Variants in SLC4A4 observed in about 807,000 individuals in gnomAD.
SLC4A4 encodes electrogenic sodium bicarbonate cotransporter 1.
A neutral mutation model predicts 111.5 loss-of-function variants in SLC4A4; 27 were observed. The observed-to-expected ratio is 0.24, with a 90% CI of 0.18 to 0.33. The LOEUF (loss-of-function observed/expected upper bound fraction) is 0.33, where lower values mean the gene tolerates loss of function less well. Among genes scored for constraint, SLC4A4 ranks in the 10% least tolerant of loss-of-function variants. The probability of loss-of-function intolerance (pLI) is 1.00; values close to 1 mark genes in which losing one functional copy is unlikely to be tolerated. For synonymous variants in SLC4A4, 443 were observed against 463.4 expected (o/e 0.96, Z 0.57); for missense variants, 909 against 1,315.5 (o/e 0.69, Z 4.78).
intron 1 of SLC4A4, among the ~76,000 whole-genome samples, chr4:71,208,430 CA>C (rs34995813): frequency 4.1e-4 from 45 of 110,292 alleles, no homozygotes; most frequent in African/African-American, 8.0e-4. Flanking sequence ...GACTCCGTCT[CA>C]AAAAAAAAAA....
At chr4:71,494,371 C>T (rs1278875441) in intron 15 of SLC4A4, among the ~76,000 whole-genome samples, 4 of 151,834 alleles carry the variant, frequency 2.6e-5, no homozygotes, top group African/African-American at 4.8e-5. Context: ...TGGCATATAG[C>T]GGCACAATCA....
chr4:71,476,702 CT>C (rs1474879178), intron 14 of SLC4A4, among the ~76,000 whole-genome samples: 3 of 151,622 alleles, frequency 2.0e-5, no homozygotes, highest in African/African-American at 7.3e-5. Flanking sequence ...TCTAAATGCA[CT>C]TTTTTCTCCA....
chr4:71,523,609 T>G (rs1214615008), intron 16 of SLC4A4, among the ~76,000 whole-genome samples: 1 of 152,150 alleles, frequency 6.6e-6, no homozygotes, highest in Non-Finnish European at 1.5e-5. Flanking sequence ...GGAAACCTCT[T>G]GGTCCTGAGC....
At chr4:71,200,902 G>A (rs926371946) in intron 1 of SLC4A4, among the ~76,000 whole-genome samples, 3 of 152,142 alleles carry the variant, frequency 2.0e-5, no homozygotes, top group Non-Finnish European at 2.9e-5. Context: ...TAATCATGTG[G>A]CAAGTTTCAG....
At chr4:71,481,264 A>G (rs1728855205) in intron 14 of SLC4A4, among the ~76,000 whole-genome samples, 1 of 151,728 alleles carries the variant, frequency 6.6e-6, no homozygotes, top group African/African-American at 2.4e-5. Context: ...ATAAAAGCAG[A>G]CAGATATGAC....
chr4:71,523,012 A>G (rs1733094148), intron 16 of SLC4A4, among the ~76,000 whole-genome samples: 1 of 152,310 alleles, frequency 6.6e-6, no homozygotes, highest in South Asian at 2.1e-4. Context: ...TGGCCATTCT[A>G]TTAAAATTGC....
intron 1 of SLC4A4, among the ~76,000 whole-genome samples, chr4:71,092,553 TA>T (rs1682430721): frequency 6.6e-6 from 1 of 152,154 alleles, no homozygotes; most frequent in African/African-American, 2.4e-5. Context: ...CACGTCATGT[TA>T]CATCAGAAAA....
chr4:71,145,105 A>G (rs1434664846), intron 2 of SLC4A4, among the ~76,000 whole-genome samples: 1 of 152,172 alleles, frequency 6.6e-6, no homozygotes, highest in Non-Finnish European at 1.5e-5. Context: ...AACTCTTATT[A>G]TTTTGAGATA....
chr4:71,251,622 G>A (rs1441675438), intron 2 of SLC4A4, among the ~76,000 whole-genome samples: 1 of 152,160 alleles, frequency 6.6e-6, no homozygotes, highest in Non-Finnish European at 1.5e-5. Context: ...CCAAATCAAG[G>A]ACTGAATGCT....
intron 16 of SLC4A4, among the ~76,000 whole-genome samples, chr4:71,502,023 G>A (rs1441490099): frequency 2.0e-5 from 3 of 152,146 alleles, no homozygotes; most frequent in Non-Finnish European, 1.5e-5. Flanking sequence ...GAGCAGTGGT[G>A]CCATCTCAGC....
At chr4:71,084,734 T>C (rs1179910368) in intron 1 of SLC4A4, among the ~76,000 whole-genome samples, 2 of 152,078 alleles carry the variant, frequency 1.3e-5, no homozygotes, top group Non-Finnish European at 2.9e-5. Flanking sequence ...GGACACGAAC[T>C]CACCTTTTTT....
At chr4:71,093,798 T>C (rs1742459176) in intron 2 of SLC4A4, among the ~76,000 whole-genome samples, 1 of 152,196 alleles carries the variant, frequency 6.6e-6, no homozygotes, top group Admixed American at 6.5e-5. Flanking sequence ...CAATGGTGGG[T>C]CATTTTGCAT....
At chr4:71,296,228 A>T (rs112877879) in intron 3 of SLC4A4, among the ~76,000 whole-genome samples, 1 of 152,344 alleles carries the variant, frequency 6.6e-6, no homozygotes, top group African/African-American at 2.4e-5. Flanking sequence ...AGCATAAATA[A>T]TGGAGCAGAA....
At chr4:71,337,936 T>G (rs1327345924) in intron 3 of SLC4A4, among the ~76,000 whole-genome samples, 1 of 152,020 alleles carries the variant, frequency 6.6e-6, no homozygotes, top group Non-Finnish European at 1.5e-5. Context: ...TTCAAGCCAT[T>G]TTCCTGCCTC....
At chr4:71,245,629 G>A (rs1720600480) in intron 2 of SLC4A4, among the ~76,000 whole-genome samples, 1 of 151,994 alleles carries the variant, frequency 6.6e-6, no homozygotes, top group Non-Finnish European at 1.5e-5. Context: ...TGAATTTGAA[G>A]CACCTGTGAG....
intron 2 of SLC4A4, among the ~76,000 whole-genome samples, chr4:71,118,971 C>T (rs1352576267): frequency 6.6e-6 from 1 of 152,122 alleles, no homozygotes; most frequent in African/African-American, 2.4e-5. Flanking sequence ...ATATCTGCTA[C>T]TCTAATAGTG....
At chr4:71,322,457 A>G (rs1442106817) in intron 3 of SLC4A4, among the ~76,000 whole-genome samples, 1 of 152,042 alleles carries the variant, frequency 6.6e-6, no homozygotes, top group Non-Finnish European at 1.5e-5. Flanking sequence ...GGAGCTATAT[A>G]TTTAGCTACT....
intron 1 of SLC4A4, among the ~76,000 whole-genome samples, chr4:71,215,082 T>G (rs1423198856): frequency 1.3e-5 from 2 of 152,250 alleles, no homozygotes; most frequent in African/African-American, 2.4e-5. Context: ...AAATAAATTG[T>G]GTGTAACTCT....
intron 7 of SLC4A4, among the ~76,000 whole-genome samples, chr4:71,422,610 C>T (rs1234131890): frequency 6.6e-6 from 1 of 152,004 alleles, no homozygotes; most frequent in Non-Finnish European, 1.5e-5. Context: ...CAAACCAAAT[C>T]CAGCAGCACA....
Sources: gnomAD v4.1 joint callset for allele counts (sites outside exome capture counted in the v4.1 genomes callset) on GRCh38, gnomAD v4.1.1 for gene constraint, MANE v1.5 for transcripts, NCBI Gene and HGNC (gene_info 2026-07-23, HGNC 2026-07-21) for gene names.